SDK1: variants seen among roughly 807,000 people sequenced by gnomAD.
The protein encoded by SDK1 is sidekick cell adhesion molecule 1.
In SDK1, 157 loss-of-function variants were observed where a neutral mutation model predicts 245.5. The ratio of observed to expected loss-of-function variants is 0.64; its 90% CI spans 0.56 to 0.73. The LOEUF (loss-of-function observed/expected upper bound fraction) is 0.73. SDK1 is among the 30% of genes least tolerant of loss of function. The probability of loss-of-function intolerance (pLI) is 0.00; values close to 1 mark genes in which losing one functional copy is unlikely to be tolerated. For synonymous variants in SDK1, 1,647 were observed against 1,278.5 expected (o/e 1.29, Z -6.15); for missense variants, 3,583 against 3,002.3 (o/e 1.19, Z -4.52).
chr7:4,171,247 G>A (rs1562384017), intron 32 of SDK1, among the ~76,000 whole-genome samples: 1 of 152,172 alleles, frequency 6.6e-6, no homozygotes, highest in Non-Finnish European at 1.5e-5. Context: ...CGGGTACACC[G>A]CACCCTGGAG....
intron 35 of SDK1, among the ~76,000 whole-genome samples, chr7:4,199,875 G>A (rs981835874): frequency 1.3e-5 from 2 of 152,142 alleles, no homozygotes; most frequent in African/African-American, 4.8e-5. Flanking sequence ...CCCATGCACA[G>A]TTCTAGAATT....
chr7:3,488,287 G>A (rs992204540), intron 1 of SDK1, among the ~76,000 whole-genome samples: 1 of 151,722 alleles, frequency 6.6e-6, no homozygotes, highest in Non-Finnish European at 1.5e-5. Context: ...TTTCTTTTCT[G>A]TGCTTTCTCT....
At chr7:3,547,099 A>G (rs1223760840) in intron 1 of SDK1, among the ~76,000 whole-genome samples, 1 of 152,182 alleles carries the variant, frequency 6.6e-6, no homozygotes, top group Non-Finnish European at 1.5e-5. Flanking sequence ...CCTTGTCTAC[A>G]CTTAGAGTTT....
At chr7:4,122,385 A>C (rs1166286989) in intron 25 of SDK1, among the ~76,000 whole-genome samples, 1 of 152,052 alleles carries the variant, frequency 6.6e-6, no homozygotes, top group Non-Finnish European at 1.5e-5. Context: ...CCTGATGGAG[A>C]GGGAGAAGGA....
intron 5 of SDK1, among the ~76,000 whole-genome samples, chr7:3,927,211 G>A (rs1008157438): frequency 5.3e-5 from 8 of 152,198 alleles, no homozygotes; most frequent in Admixed American, 2.0e-4. Context: ...AGTTAGGAAC[G>A]TGCTGGTATT....
At chr7:4,188,279 G>C (rs549925434) in intron 35 of SDK1, among the ~76,000 whole-genome samples, 109 of 152,338 alleles carry the variant, frequency 7.2e-4, no homozygotes, top group Non-Finnish European at 1.1e-3. Flanking sequence ...GGCGGCTTCT[G>C]ATTGGTTGGG....
intron 22 of SDK1, among the ~76,000 whole-genome samples, chr7:4,080,207 G>A (rs892146595): frequency 1.3e-5 from 2 of 152,062 alleles, no homozygotes; most frequent in African/African-American, 2.4e-5. Context: ...AGCTGGGGGC[G>A]GGTTCCACAG....
chr7:4,121,608 T>A (rs1401462454), intron 25 of SDK1, among the ~76,000 whole-genome samples: 1 of 152,202 alleles, frequency 6.6e-6, no homozygotes, highest in Non-Finnish European at 1.5e-5. Flanking sequence ...GTATTGGGTA[T>A]TTATTTATCA....
intron 5 of SDK1, among the ~76,000 whole-genome samples, chr7:3,858,798 T>C (rs1467846053): frequency 1.3e-5 from 2 of 151,334 alleles, no homozygotes; most frequent in East Asian, 3.9e-4. Context: ...AATAGTGTTG[T>C]TTTTGGTTAT....
chr7:4,123,966 C>G (rs918704527), intron 25 of SDK1, among the ~76,000 whole-genome samples: 3 of 152,224 alleles, frequency 2.0e-5, no homozygotes, highest in Non-Finnish European at 4.4e-5. Context: ...GCAGGTTCCT[C>G]TGTGGTTTCA....
intron 17 of SDK1, among the ~76,000 whole-genome samples, chr7:4,025,349 G>A (rs1165603101): frequency 7.9e-5 from 12 of 152,220 alleles, no homozygotes; most frequent in Admixed American, 5.9e-4. Context: ...TGTAAAGACA[G>A]ACGGGTCTGA....
intron 2 of SDK1, among the ~76,000 whole-genome samples, chr7:3,622,982 A>T (rs1387782353): frequency 6.6e-6 from 1 of 152,120 alleles, no homozygotes; most frequent in African/African-American, 2.4e-5. Context: ...TCCTTCCAGT[A>T]AGCATGTTCA....
At position 3,692,363 on chromosome 7, in the gene SDK1, G is replaced by C. The variant is rs891311202; in HGVS notation, c.713+50258G>C. Reference sequence around the variant, plus strand: ...CTTTAGTGTGTATATGTGTGTGTCTGTGTGTGTGCACCTGTGCCCATGTGT... The same window carrying C: ...CTTTAGTGTGTATATGTGTGTGTCTCTGTGTGTGCACCTGTGCCCATGTGT... On this transcript the variant is annotated intron_variant, in intron 4 of 44. Coordinates refer to ENST00000404826, the MANE Select transcript of SDK1 (RefSeq NM_152744.4). 6.6e-5 allele frequency among the ~76,000 whole-genome samples: 10 copies of C among 152,078 alleles called. 1 individual carries two copies.
rs77144821 is a variant in SDK1 at position 3,412,319 on chromosome 7, C to T, written c.298+110435C>T. The stretch of plus-strand genomic sequence containing the variant: ...ACAAACATGTATACTATTTCTCTTC[C>T]CTCTTTTATTTTTCCAAAATGGTAT... On this transcript the variant is annotated intron_variant, in intron 1 of 44. Transcript: ENST00000404826. Among the ~76,000 whole-genome samples, 483 of 152,230 alleles carry T rather than the reference C, an allele frequency of 3.2e-3. 3 individuals are homozygous for T. The highest frequency in any genetic ancestry group is 0.011 in the African/African-American group (461 of 41,524).
intron 1 of SDK1, among the ~76,000 whole-genome samples, chr7:3,550,658 A>T (rs1372850602): frequency 6.6e-6 from 1 of 152,184 alleles, no homozygotes; most frequent in Admixed American, 6.5e-5. Context: ...TATCCATTTG[A>T]CAGATGTGTT....
rs193091255 is a variant in SDK1 at position 3,795,267 on chromosome 7, T to C, written c.714-26183T>C. On this transcript the variant is annotated intron_variant, in intron 4 of 44. Coordinates refer to ENST00000404826, the MANE Select transcript of SDK1 (RefSeq NM_152744.4). ...ATGTGCTGTGGCTGTGATTTTTTTT[T>C]CCCCCTTAGAGGCATGTTGGATAGG... 3.0e-3 allele frequency among the ~76,000 whole-genome samples: 463 copies of C among 152,226 alleles called. 3 individuals are homozygous for C. Among genetic ancestry groups the C allele is most frequent in the African/African-American group, 0.011 (444 of 41,528 alleles).
intron 5 of SDK1, among the ~76,000 whole-genome samples, chr7:3,848,344 C>T (rs558943199): frequency 6.6e-6 from 1 of 152,292 alleles, no homozygotes; most frequent in African/African-American, 2.4e-5. Context: ...TCGGAACTCT[C>T]CAAGCATCTT....
At chr7:3,573,778 C>G (rs924721898) in intron 1 of SDK1, among the ~76,000 whole-genome samples, 10 of 151,920 alleles carry the variant, frequency 6.6e-5, no homozygotes, top group African/African-American at 2.4e-4. Flanking sequence ...GATTTTTGAC[C>G]CTTCCTTTTC....
chr7:3,384,743 A>C (rs1238421917), intron 1 of SDK1, among the ~76,000 whole-genome samples: 1 of 152,248 alleles, frequency 6.6e-6, no homozygotes, highest in East Asian at 1.9e-4. Context: ...CTACGTGTAC[A>C]TATGTATATA....
Sources: allele counts gnomAD v4.1 joint callset (sites outside exome capture counted in the v4.1 genomes callset), GRCh38; gene constraint gnomAD v4.1.1; transcripts MANE v1.5; gene names NCBI Gene and HGNC (gene_info 2026-07-23, HGNC 2026-07-21).